Variants in ASTN2 observed in about 807,000 individuals in gnomAD.
ASTN2 encodes astrotactin 2.
A neutral mutation model predicts 139.8 loss-of-function variants in ASTN2; 54 were observed. The ratio of observed to expected loss-of-function variants is 0.39; its 90% CI spans 0.31 to 0.48. ASTN2 has a LOEUF of 0.48. Ranked by LOEUF, ASTN2 falls within the 20% of genes least tolerant of loss-of-function variation. The probability of loss-of-function intolerance (pLI) is 0.95; values close to 1 mark genes in which losing one functional copy is unlikely to be tolerated. For synonymous variants in ASTN2, 756 were observed against 719.5 expected (o/e 1.05, Z -0.81); for missense variants, 1,565 against 1,725.1 (o/e 0.91, Z 1.64).
intron 16 of ASTN2, among the ~76,000 whole-genome samples, chr9:116,696,290 TA>T (rs1279766658): frequency 6.6e-6 from 1 of 152,204 alleles, no homozygotes; most frequent in Non-Finnish European, 1.5e-5. Flanking sequence ...AAAAGAGAAC[TA>T]AAATTCATTA....
At chr9:117,119,156 A>G (rs562345442) in intron 4 of ASTN2, among the ~76,000 whole-genome samples, 30 of 152,340 alleles carry the variant, frequency 2.0e-4, no homozygotes, top group Admixed American at 1.7e-3. Context: ...TAAACAGTAG[A>G]AAGAAAAATT....
chr9:116,846,797 G>A (rs572828623), intron 11 of ASTN2, among the ~76,000 whole-genome samples: 1 of 152,206 alleles, frequency 6.6e-6, no homozygotes, highest in African/African-American at 2.4e-5. Context: ...GGAATTCCAA[G>A]GGAGGTAGGT....
At chr9:116,907,760 G>A (rs1834201893) in intron 10 of ASTN2, among the ~76,000 whole-genome samples, 1 of 152,182 alleles carries the variant, frequency 6.6e-6, no homozygotes, top group Non-Finnish European at 1.5e-5. Flanking sequence ...GGGCGGAAAT[G>A]GGAGGGAATG....
chr9:116,921,664 T>C (rs1216704066), intron 10 of ASTN2, among the ~76,000 whole-genome samples: 1 of 151,788 alleles, frequency 6.6e-6, no homozygotes, highest in Non-Finnish European at 1.5e-5. Context: ...CTTACAGTTC[T>C]GCATGGCTGG....
At position 117,342,369 on chromosome 9, in the gene ASTN2, G is replaced by A. The variant is rs16934527; in HGVS notation, c.443-50856C>T. Among the ~76,000 whole-genome samples the A allele has an allele frequency of 8.2e-3, 1,253 of 152,246 alleles. 17 individuals carry two copies. The highest frequency in any genetic ancestry group is 0.029 in the African/African-American group (1,194 of 41,520). ...AAACAAAAATAATACATGTTTGTTC[G>A]AATAATTCAATTTATGTGGCAAGGC... On this transcript the variant is annotated intron_variant, in intron 1 of 22. Transcript: ENST00000313400.
At chr9:117,148,204 A>G (rs760468372) in intron 3 of ASTN2, among the ~76,000 whole-genome samples, 14 of 151,850 alleles carry the variant, frequency 9.2e-5, no homozygotes, top group Non-Finnish European at 1.6e-4. Context: ...TCCAGTATCA[A>G]CTCTCCATGT....
At chr9:117,243,874 A>T (rs766688056) in intron 2 of ASTN2, among the ~76,000 whole-genome samples, 5 of 152,152 alleles carry the variant, frequency 3.3e-5, no homozygotes, top group Non-Finnish European at 7.4e-5. Flanking sequence ...GTACCAGCCC[A>T]TGCTTAGTAC....
intron 7 of ASTN2, among the ~76,000 whole-genome samples, chr9:116,989,985 G>C (rs1376820305): frequency 6.6e-6 from 1 of 151,866 alleles, no homozygotes; most frequent in Non-Finnish European, 1.5e-5. Flanking sequence ...CTTTCTCACT[G>C]TGTGTCTATG....
At chr9:116,921,888 A>C (rs1474097095) in intron 10 of ASTN2, among the ~76,000 whole-genome samples, 1 of 152,148 alleles carries the variant, frequency 6.6e-6, no homozygotes, top group Non-Finnish European at 1.5e-5. Context: ...ACACATGGGG[A>C]TTATGGGAAT....
chr9:116,657,666 C>A (rs905832723), intron 16 of ASTN2, among the ~76,000 whole-genome samples: 9 of 152,140 alleles, frequency 5.9e-5, no homozygotes, highest in African/African-American at 2.2e-4. Flanking sequence ...CATGGCAAAA[C>A]CCCATGCCGA....
chr9:117,268,243 G>GA (rs2133119952), intron 2 of ASTN2, among the ~76,000 whole-genome samples: 1 of 152,314 alleles, frequency 6.6e-6, no homozygotes, highest in Admixed American at 6.5e-5. Flanking sequence ...CCCTTGTCAT[G>GA]AAACAGTGGT....
chr9:117,367,545 G>C, intron 1 of ASTN2, among the ~76,000 whole-genome samples: 1 of 152,116 alleles, frequency 6.6e-6, no homozygotes, highest in East Asian at 1.9e-4. Flanking sequence ...AGAAGTCCCT[G>C]CTCATGGTAA....
intron 1 of ASTN2, among the ~76,000 whole-genome samples, chr9:117,409,304 A>G (rs948571276): frequency 6.6e-6 from 1 of 152,212 alleles, no homozygotes; most frequent in Non-Finnish European, 1.5e-5. Context: ...AAAAATTACC[A>G]TCTGCTTTGA....
intron 13 of ASTN2, among the ~76,000 whole-genome samples, chr9:116,771,064 C>A (rs1366744597): frequency 6.6e-6 from 1 of 152,214 alleles, no homozygotes; most frequent in African/African-American, 2.4e-5. Flanking sequence ...ATCTCTCTGC[C>A]TAAAATATCC....
At chr9:116,650,904 G>A (rs979410388) in intron 17 of ASTN2, among the ~76,000 whole-genome samples, 2 of 150,840 alleles carry the variant, frequency 1.3e-5, no homozygotes, top group South Asian at 2.1e-4. Context: ...GGAACAGGCT[G>A]AGTCCCTGCA....
intron 10 of ASTN2, among the ~76,000 whole-genome samples, chr9:116,874,140 G>A (rs921901621): frequency 3.9e-5 from 6 of 152,178 alleles, no homozygotes; most frequent in Non-Finnish European, 5.9e-5. Context: ...TCCACCCTGG[G>A]TGTATCTGAC....
intron 13 of ASTN2, among the ~76,000 whole-genome samples, chr9:116,797,172 G>A (rs1830719531): frequency 6.6e-6 from 1 of 152,090 alleles, no homozygotes; most frequent in Admixed American, 6.6e-5. Flanking sequence ...TCTATCTATG[G>A]CCTTGACGGT....
Position 116,699,824 on chromosome 9 carries a change from C to G in ASTN2, c.2806+25947G>C. 2.3e-6 allele frequency: 3 copies of G among 1,332,182 alleles called. No individual in the cohort carries two copies. Among genetic ancestry groups the G allele is most frequent in the Non-Finnish European group, 3.2e-6 (3 of 950,896 alleles). 82.5% of individuals were successfully genotyped at this position (1,332,182 alleles called of 1,614,324 possible). A position where few individuals can be genotyped will look rare whatever the true frequency, so the allele number is the denominator to read the frequency against. ...ATGTCCTGATTCCAGCTGGGTAGTT[C>G]TAGAACTTCAGAAGCTCCATCTTTT... On this transcript the variant is annotated intron_variant, in intron 16 of 22. Coordinates refer to ENST00000313400, the MANE Select transcript of ASTN2 (RefSeq NM_001365068.1). This position sits in a 1 kb window ranked among gnomAD's most constrained non-coding sequence, Gnocchi z 4.2.
Position 116,915,288 on chromosome 9 carries a change from G to A in ASTN2, c.1890-51555C>T, listed in dbSNP as rs142636333. 9.5e-3 allele frequency among the ~76,000 whole-genome samples: 1,450 copies of A among 152,304 alleles called. 14 individuals are homozygous for A. The highest frequency in any genetic ancestry group is 0.024 in the Middle Eastern group (7 of 294). On this transcript the variant is annotated intron_variant, in intron 10 of 22. Transcript: ENST00000313400. ...ACAAACTTCTTGGGAAGAGGCTTTT[G>A]CAGACTAGCACATCAGCACAAGGTC...
Sources: gnomAD v4.1 joint callset for allele counts (sites outside exome capture counted in the v4.1 genomes callset) on GRCh38, gnomAD v4.1.1 for gene constraint, Gnocchi (gnomAD v3.1) non-coding constraint, MANE v1.5 for transcripts, NCBI Gene and HGNC (gene_info 2026-07-23, HGNC 2026-07-21) for gene names.